UPF2: variants seen among roughly 807,000 people sequenced by gnomAD.
The protein encoded by UPF2 is regulator of nonsense transcripts 2.
UPF2 carries 17 observed loss-of-function variants against 141.4 expected under a neutral mutation model. That is an observed-to-expected ratio of 0.12 (90% confidence interval 0.08 to 0.18). The LOEUF (loss-of-function observed/expected upper bound fraction) is 0.18, where lower values mean the gene tolerates loss of function less well. Ranked by LOEUF, UPF2 falls within the 10% of genes least tolerant of loss-of-function variation. The pLI is 1.00. For synonymous variants in UPF2, 540 were observed against 498.0 expected, an observed-to-expected ratio of 1.08 and a Z score of -1.12; for missense variants, 1,152 against 1,515.9, an observed-to-expected ratio of 0.76 and a Z score of 3.99.
chr10:12,001,408 T>C (rs1337488345), intron 6 of UPF2, among the ~76,000 whole-genome samples: 1 of 151,846 alleles, frequency 6.6e-6, no homozygotes, highest in Non-Finnish European at 1.5e-5. Flanking sequence ...GAGTGAGACT[T>C]AGTTTCAGAA....
At chr10:11,938,869 T>TTG (rs1832897781) in intron 18 of UPF2, among the ~76,000 whole-genome samples, 2 of 104,748 alleles carry the variant, frequency 1.9e-5, no homozygotes, top group Non-Finnish European at 3.9e-5. Flanking sequence ...TTTTTTTTTT[T>TTG]TTTTTTTTTT....
At chr10:11,961,089 CAAAAA>C (rs59208108) in intron 11 of UPF2, among the ~76,000 whole-genome samples, 3 of 86,236 alleles carry the variant, frequency 3.5e-5, no homozygotes, top group Non-Finnish European at 7.3e-5. Flanking sequence ...GACCCTGTCT[CAAAAA>C]AAAAAAAAAA....
intron 18 of UPF2, among the ~76,000 whole-genome samples, chr10:11,938,859 T>TTTG (rs1832892758): frequency 9.9e-5 from 7 of 70,824 alleles, no homozygotes; most frequent in African/African-American, 2.9e-4. Flanking sequence ...TTTTGTTTTT[T>TTTG]TTTTTTTTTT....
chr10:11,936,486 T>C lies in UPF2; in HGVS notation c.3546+59A>G. On this transcript the variant is annotated intron_variant, in intron 19 of 21. Transcript: ENST00000357604. This position sits in a 1 kb window ranked among gnomAD's most constrained non-coding sequence, Gnocchi z 6.6. ...TATCCCCTTGTAGGTCAAAGATAAG[T>C]TAAAACCTAACTGTATAACTCACAA... is the stretch of plus-strand genomic sequence containing the variant. The C allele has an allele frequency of 1.3e-6, 2 of 1,507,224 alleles. No individual in the cohort carries two copies. The highest frequency in any genetic ancestry group is 1.8e-6 in the Non-Finnish European group (2 of 1,125,486). The allele number at this position is 1,507,224 out of a possible 1,614,324, so 93.4% of individuals were successfully genotyped here. A position where few individuals can be genotyped will look rare whatever the true frequency, so the allele number is the denominator to read the frequency against.
chr10:11,920,838 G>C lies in UPF2; in HGVS notation c.*460C>G. The C allele has an allele frequency of 2.8e-6, 1 of 358,260 alleles. No individual in the cohort carries two copies. The highest frequency in any genetic ancestry group is 2.1e-5 in the South Asian group (1 of 47,068). 22.2% of individuals were successfully genotyped at this position (358,260 alleles called of 1,614,324 possible). On this transcript the variant is annotated 3_prime_UTR_variant, in exon 22 of 22. Transcript: ENST00000357604. ...CTCTATACTTTTCTACTGTAGTCCTGGAGCCCCCAAATGTATCTTCTTCCA... is the reference window on the plus strand; with the variant it reads ...CTCTATACTTTTCTACTGTAGTCCTCGAGCCCCCAAATGTATCTTCTTCCA...
chr10:11,946,307 G>A (rs1175472531), intron 16 of UPF2, among the ~76,000 whole-genome samples: 4 of 152,098 alleles, frequency 2.6e-5, no homozygotes, highest in South Asian at 4.2e-4. Context: ...ACATCTGACC[G>A]TAGAAAACTT....
At chr10:11,955,537 T>A (rs927166796) in intron 13 of UPF2, 30 bp from the exon 14 acceptor site, 1 of 1,585,016 alleles carries the variant, frequency 6.3e-7, no homozygotes, top group Admixed American at 1.8e-5. Flanking sequence ...CAGATTTTCA[T>A]TAAAGAGGAG....
chr10:11,961,909 G>C (rs557033589), intron 11 of UPF2, among the ~76,000 whole-genome samples: 1 of 152,142 alleles, frequency 6.6e-6, no homozygotes, highest in East Asian at 1.9e-4. Context: ...TTGTCTCCTA[G>C]GATTTCTATA....
intron 8 of UPF2, among the ~76,000 whole-genome samples, chr10:11,994,589 T>C (rs1833834659): frequency 6.6e-6 from 1 of 152,194 alleles, no homozygotes; most frequent in Non-Finnish European, 1.5e-5. Context: ...TATTTAAAAC[T>C]GCATATGGCC....
chr10:11,987,337 CAA>C (rs1451713887), intron 8 of UPF2, among the ~76,000 whole-genome samples: 1 of 151,594 alleles, frequency 6.6e-6, no homozygotes, highest in Non-Finnish European at 1.5e-5. Context: ...AAGTTGAAGA[CAA>C]AAAAAGATAT....
At position 12,014,277 on chromosome 10, in the gene UPF2, C is replaced by G; in HGVS notation, c.1146-93G>C. On this transcript the variant is annotated intron_variant, in intron 3 of 21. Transcript: ENST00000357604. This position sits in a 1 kb window ranked among gnomAD's most constrained non-coding sequence, Gnocchi z 5.0. Reference sequence around the variant, plus strand: ...GAAACATTCCATAATTTGATTTTCTCATACAAATTTAGTAAAATCTTCATT... The same window carrying G: ...GAAACATTCCATAATTTGATTTTCTGATACAAATTTAGTAAAATCTTCATT... 1 of 1,196,446 alleles carries G rather than the reference C, an allele frequency of 8.4e-7. No homozygotes were observed. The highest frequency in any genetic ancestry group is 2.9e-5 in the East Asian group (1 of 33,964). The allele number at this position is 1,196,446 out of a possible 1,614,324, so 74.1% of individuals were successfully genotyped here.
chr10:11,952,100 T>A lies in UPF2; in HGVS notation c.3000A>T (p.Val1000=). The change falls in exon 15 of 22, where the codon GTA becomes GTT. Residue 1000 remains valine, a synonymous_variant. Transcript: ENST00000357604. ...TTAAGAATTCTCGTTCCAAGTCTTG[T>A]ACCTGCCTGATGGATTCTTCCAGAG... The part of the protein sequence containing the change: ...CNSLEESIRQ[V]QDLEREFLIK... 1 of 1,614,090 alleles carries A rather than the reference T, an allele frequency of 6.2e-7. No individual in the cohort carries two copies. The highest frequency in any genetic ancestry group is 8.5e-7 in the Non-Finnish European group (1 of 1,179,970).
chr10:11,938,868 T>TTG (rs1832896411), intron 18 of UPF2, among the ~76,000 whole-genome samples: 6 of 90,822 alleles, frequency 6.6e-5, no homozygotes, highest in African/African-American at 7.4e-5. Flanking sequence ...TTTTTTTTTT[T>TTG]TTTTTTTTTT....
At position 11,959,713 on chromosome 10, in the gene UPF2, C is replaced by T. The variant is rs59632368; in HGVS notation, c.2185-357G>A. 0.064 allele frequency among the ~76,000 whole-genome samples: 9,676 copies of T among 152,070 alleles called. 379 individuals carry two copies. The highest frequency in any genetic ancestry group is 0.092 in the Non-Finnish European group (6,225 of 67,952). On this transcript the variant is annotated intron_variant, in intron 11 of 21. Coordinates refer to ENST00000357604, the MANE Select transcript of UPF2 (RefSeq NM_015542.4). The surrounding 1 kb of genome is among the most constrained non-coding windows in gnomAD (Gnocchi z 5.9). ...AGGTGGAGGCTGCAGTAAGCCATGA[C>T]TGGCACTGCACTCCAGCCTGGGCAA...
At chr10:11,994,484 A>T (rs927216560) in intron 8 of UPF2, among the ~76,000 whole-genome samples, 1 of 152,258 alleles carries the variant, frequency 6.6e-6, no homozygotes, top group Non-Finnish European at 1.5e-5. Context: ...AGGAGTGGAA[A>T]TTGGGTAGAT....
At chr10:11,975,086 G>T (rs1376997425) in intron 9 of UPF2, among the ~76,000 whole-genome samples, 1 of 152,196 alleles carries the variant, frequency 6.6e-6, no homozygotes, top group Non-Finnish European at 1.5e-5. Flanking sequence ...ACTGTAATTT[G>T]CTTATGTTAA....
chr10:11,994,540 C>G (rs1173976814), intron 8 of UPF2, among the ~76,000 whole-genome samples: 1 of 152,168 alleles, frequency 6.6e-6, no homozygotes. Context: ...ATAATGTTTT[C>G]TACTTCTGGA....
chr10:11,928,724 T>C, intron 21 of UPF2: 1 of 346,408 alleles, frequency 2.9e-6, no homozygotes, highest in South Asian at 2.2e-5. Context: ...AAAAAAAAAC[T>C]AAAAACCATA....
At chr10:11,978,805 A>G (rs972162724) in intron 9 of UPF2, among the ~76,000 whole-genome samples, 1 of 152,206 alleles carries the variant, frequency 6.6e-6, no homozygotes, top group Non-Finnish European at 1.5e-5. Context: ...ACCTTAGAAA[A>G]GCAAAAAGTG....
Sources: gnomAD v4.1 joint callset for allele counts (sites outside exome capture counted in the v4.1 genomes callset) on GRCh38, gnomAD v4.1.1 for gene constraint, Gnocchi (gnomAD v3.1) non-coding constraint, MANE v1.5 for transcripts, NCBI Gene and HGNC (gene_info 2026-07-23, HGNC 2026-07-21) for gene names.